Variants in GRM1 observed in about 807,000 individuals in gnomAD.
GRM1 encodes the protein glutamate metabotropic receptor 1.
In GRM1, 33 loss-of-function variants were observed where a neutral mutation model predicts 90.9. The ratio of observed to expected loss-of-function variants is 0.36; its 90% CI spans 0.28 to 0.49. GRM1 has a LOEUF of 0.49. Among genes scored for constraint, GRM1 ranks in the 20% least tolerant of loss-of-function variants. The probability of loss-of-function intolerance (pLI) is 0.99; values close to 1 mark genes in which losing one functional copy is unlikely to be tolerated. For synonymous variants in GRM1, 700 were observed against 613.2 expected, an observed-to-expected ratio of 1.14 and a Z score of -2.09; for missense variants, 1,190 against 1,534.3, an observed-to-expected ratio of 0.78 and a Z score of 3.75.
intron 2 of GRM1, among the ~76,000 whole-genome samples, chr6:146,228,037 C>A (rs567429196): frequency 2.3e-4 from 35 of 152,124 alleles, no homozygotes; most frequent in Admixed American, 9.2e-4. Context: ...ACATTTATCT[C>A]TTCTATGGTA....
At chr6:146,131,506 A>C (rs1776396762) in intron 1 of GRM1, among the ~76,000 whole-genome samples, 1 of 150,122 alleles carries the variant, frequency 6.7e-6, no homozygotes, top group Non-Finnish European at 1.5e-5. Flanking sequence ...TATATATATA[A>C]TATATATAAT....
chr6:146,132,568 A>G (rs1776447604), intron 1 of GRM1, among the ~76,000 whole-genome samples: 1 of 151,926 alleles, frequency 6.6e-6, no homozygotes, highest in Non-Finnish European at 1.5e-5. Flanking sequence ...TTTATTGTGT[A>G]TTCCTCTCCT....
intron 3 of GRM1, among the ~76,000 whole-genome samples, chr6:146,313,962 C>T (rs1170609457): frequency 1.4e-5 from 2 of 144,164 alleles, no homozygotes; most frequent in Non-Finnish European, 3.0e-5. Flanking sequence ...TAAAAGAGTA[C>T]ATTATAAACT....
intron 1 of GRM1, among the ~76,000 whole-genome samples, chr6:146,031,453 T>C (rs1790704700): frequency 6.6e-6 from 1 of 152,152 alleles, no homozygotes; most frequent in Non-Finnish European, 1.5e-5. Context: ...ACAGCATCCA[T>C]AGTGAAGTGA....
At chr6:146,083,558 C>T (rs898905923) in intron 1 of GRM1, among the ~76,000 whole-genome samples, 1 of 152,116 alleles carries the variant, frequency 6.6e-6, no homozygotes, top group African/African-American at 2.4e-5. Context: ...CATGTTGAAC[C>T]AGCCTTGCAT....
Position 146,155,259 on chromosome 6 carries a change from T to A in GRM1, c.701-4089T>A, listed in dbSNP as rs1315215217. Among the ~76,000 whole-genome samples the A allele has an allele frequency of 2.0e-5, 3 of 152,162 alleles. No homozygotes were observed. In the East Asian group the frequency reaches 5.8e-4, roughly 29 times the overall value. ...TGTGGTCCCACAATCATAATAAGAT[T>A]ATAATATGGTACTTTTACTGTACTT... On this transcript the variant is annotated intron_variant, in intron 1 of 7. Transcript: ENST00000282753.
chr6:146,029,836 G>T lies in GRM1; in HGVS notation c.319G>T (p.Asp107Tyr). 1.9e-6 allele frequency: 3 copies of T among 1,614,154 alleles called. No individual in the cohort carries two copies. The highest frequency in any genetic ancestry group is 8.5e-7 in the Non-Finnish European group (1 of 1,180,022). ...CATCACCCTGGGCAGTGAGATCCGG[G>T]ACTCCTGCTGGCACTCTTCCGTGGC... is the stretch of plus-strand genomic sequence containing the variant. Reference protein sequence around the residue: ...PNITLGSEIRDSCWHSSVALE... With the variant: ...PNITLGSEIRYSCWHSSVALE... Residue 107 changes from aspartate (D) to tyrosine (Y), a missense_variant, in exon 1 of 8, where the codon GAC becomes TAC. This residue lies in a region of GRM1 where 91 missense variants were observed against 95.6 expected (regional missense o/e 0.95). Transcript: ENST00000282753.
At chr6:146,196,359 C>T (rs1425120844) in intron 2 of GRM1, among the ~76,000 whole-genome samples, 1 of 150,558 alleles carries the variant, frequency 6.6e-6, no homozygotes, top group Non-Finnish European at 1.5e-5. Context: ...ACTATCTCGG[C>T]TCACTGCAAG....
intron 3 of GRM1, among the ~76,000 whole-genome samples, chr6:146,311,896 G>T (rs1364253003): frequency 6.6e-6 from 1 of 151,940 alleles, no homozygotes. Flanking sequence ...TATTTATTAG[G>T]TGATTGAAAT....
intron 6 of GRM1, among the ~76,000 whole-genome samples, chr6:146,392,722 TC>T (rs1286715122): frequency 6.6e-6 from 1 of 152,108 alleles, no homozygotes; most frequent in African/African-American, 2.4e-5. Context: ...CGTATGATGT[TC>T]CCCTCGCTAT....
At chr6:146,174,634 C>T (rs6920722) in intron 2 of GRM1, among the ~76,000 whole-genome samples, 37,811 of 152,012 alleles carry the variant, frequency 0.25, 8,206 homozygotes, top group African/African-American at 0.59. Context: ...TTATAATTTC[C>T]GAAAGATAAA....
intron 5 of GRM1, among the ~76,000 whole-genome samples, chr6:146,361,455 A>G (rs936203962): frequency 2.1e-4 from 32 of 152,184 alleles, no homozygotes; most frequent in African/African-American, 7.5e-4. Context: ...TACAGAACCC[A>G]CTGCTGTTTT....
intron 2 of GRM1, among the ~76,000 whole-genome samples, chr6:146,300,508 A>G (rs1490901986): frequency 2.6e-5 from 4 of 152,240 alleles, no homozygotes; most frequent in Non-Finnish European, 4.4e-5. Context: ...TTGCTGTATA[A>G]AAATATTGAG....
chr6:146,203,044 A>G (rs1025968219), intron 2 of GRM1, among the ~76,000 whole-genome samples: 1 of 151,814 alleles, frequency 6.6e-6, no homozygotes, highest in African/African-American at 2.4e-5. Flanking sequence ...AATACAAAAA[A>G]TTAGCCGGGC....
intron 1 of GRM1, among the ~76,000 whole-genome samples, chr6:146,065,764 A>G (rs976456610): frequency 5.3e-5 from 8 of 152,218 alleles, no homozygotes; most frequent in African/African-American, 1.9e-4. Flanking sequence ...GGGTAAGTAC[A>G]AGCAACAGAT....
chr6:146,367,804 A>T (rs1775748145), intron 5 of GRM1, among the ~76,000 whole-genome samples: 1 of 151,810 alleles, frequency 6.6e-6, no homozygotes, highest in African/African-American at 2.4e-5. Context: ...ATTTTTCTTT[A>T]TTCAGTCCAC....
intron 2 of GRM1, among the ~76,000 whole-genome samples, chr6:146,262,969 C>T (rs1041295083): frequency 6.6e-6 from 1 of 151,958 alleles, no homozygotes; most frequent in African/African-American, 2.4e-5. Flanking sequence ...TGGTATTTCT[C>T]ATGTTGGTAA....
At chr6:146,402,598 C>G (rs918622676) in intron 7 of GRM1, among the ~76,000 whole-genome samples, 2 of 152,188 alleles carry the variant, frequency 1.3e-5, no homozygotes, top group African/African-American at 4.8e-5. Context: ...GTAATTCCTA[C>G]ATTTATGGTA....
At chr6:146,190,892 C>G (rs1213685119) in intron 2 of GRM1, among the ~76,000 whole-genome samples, 1 of 152,262 alleles carries the variant, frequency 6.6e-6, no homozygotes, top group Admixed American at 6.5e-5. Flanking sequence ...CATCACCCCT[C>G]TGATTTACGT....
Sources: gnomAD v4.1 joint callset for allele counts (sites outside exome capture counted in the v4.1 genomes callset) on GRCh38, gnomAD v4.1.1 for gene constraint, gnomAD v4.1.1 regional missense constraint, MANE v1.5 for transcripts, NCBI Gene and HGNC (gene_info 2026-07-23, HGNC 2026-07-21) for gene names.